Variants in MICAL3 observed in about 807,000 individuals in gnomAD.
MICAL3 encodes [F-actin]-monooxygenase MICAL3.
A neutral mutation model predicts 207.4 loss-of-function variants in MICAL3; 62 were observed. The observed-to-expected ratio is 0.30, with a 90% CI of 0.24 to 0.37. The LOEUF is 0.37. Among genes scored for constraint, MICAL3 ranks in the 10% least tolerant of loss-of-function variants. The probability of loss-of-function intolerance (pLI) is 1.00; values close to 1 mark genes in which losing one functional copy is unlikely to be tolerated. For missense variants in MICAL3, 2,368 were observed against 2,635.6 expected (o/e 0.90, Z 2.22); for synonymous variants, 1,077 against 1,069.3 (o/e 1.01, Z -0.14).
chr22:17,978,024 T>C (rs1283862734), intron 1 of MICAL3, among the ~76,000 whole-genome samples: 1 of 150,056 alleles, frequency 6.7e-6, no homozygotes, highest in African/African-American at 2.5e-5. Flanking sequence ...CTCTGTCTCA[T>C]AAAAAATAAA....
At chr22:17,969,206 A>G (rs1211167121) in intron 1 of MICAL3, among the ~76,000 whole-genome samples, 1 of 152,038 alleles carries the variant, frequency 6.6e-6, no homozygotes, top group East Asian at 1.9e-4. Context: ...CACCCAGCTA[A>G]TTTTCTGTAT....
chr22:17,918,702 C>G (rs1419216614), intron 1 of MICAL3, among the ~76,000 whole-genome samples: 7 of 152,200 alleles, frequency 4.6e-5, no homozygotes, highest in Admixed American at 4.6e-4. Flanking sequence ...GCCTCTCCAT[C>G]CCTGCTGGCC....
Position 17,788,842 on chromosome 22 carries a change from A to C in MICAL3, c.*1890T>G, listed in dbSNP as rs936993395. Reference sequence around the variant, plus strand: ...GAAGCACAGTGTGGTTCCCATGGAAAGCCCAAGGTCAGCACAGCCACTCAG... The same window carrying C: ...GAAGCACAGTGTGGTTCCCATGGAACGCCCAAGGTCAGCACAGCCACTCAG... On this transcript the variant is annotated 3_prime_UTR_variant, in exon 32 of 32. Transcript: ENST00000441493. The C allele has an allele frequency of 6.6e-6, 1 of 152,554 alleles. No individual in the cohort carries two copies. Among genetic ancestry groups the C allele is most frequent in the Non-Finnish European group, 1.5e-5 (1 of 68,162 alleles). The allele number at this position is 152,554 out of a possible 1,614,324, so 9.5% of individuals were successfully genotyped here.
chr22:17,857,754 G>A (rs530995512), intron 19 of MICAL3, among the ~76,000 whole-genome samples: 1 of 152,392 alleles, frequency 6.6e-6, no homozygotes, highest in South Asian at 2.1e-4. Flanking sequence ...TTCCCTGTCT[G>A]TGGAAGGGTG....
At chr22:17,919,076 G>GTTTTTTTTTTTTTTTTTTTTT (rs35096617) in intron 1 of MICAL3, among the ~76,000 whole-genome samples, 8 of 136,502 alleles carry the variant, frequency 5.9e-5, no homozygotes, top group African/African-American at 2.4e-4. Flanking sequence ...GTTTTTGTGG[G>GTTTTTTTTTTTTTTTTTTTTT]TTTTTTTTTT....
chr22:17,804,957 A>T (rs2061975516), intron 29 of MICAL3, among the ~76,000 whole-genome samples: 1 of 152,216 alleles, frequency 6.6e-6, no homozygotes, highest in South Asian at 2.1e-4. Flanking sequence ...CCTAGGATCA[A>T]AGGTGCTGAA....
In MICAL3 at chr22:17,817,580, C is replaced by G; in HGVS notation, c.5081G>C (p.Gly1694Ala). Residue 1694 changes from glycine to alanine, a missense_variant, in exon 26 of 32, where the codon GGG (glycine) becomes GCG (alanine). Transcript: ENST00000441493. ...GAGTGACGACCTCTTCTTGCTCTTC[C>G]CACTGGAGCCCTCGGATGAAGTGAA... Reference protein sequence around the residue: ...GSFTSSEGSSGKSKKRSSLFS... With the variant: ...GSFTSSEGSSAKSKKRSSLFS... 6.2e-7 allele frequency: 1 copy of G among 1,613,378 alleles called. No homozygotes were observed. Among genetic ancestry groups the G allele is most frequent in the Non-Finnish European group, 8.5e-7 (1 of 1,179,828 alleles).
At chr22:17,864,635 C>T (rs749019742) in intron 19 of MICAL3, 307 of 1,578,128 alleles carry the variant, frequency 1.9e-4, no homozygotes, top group Non-Finnish European at 2.5e-4. Context: ...ACGGCTCTGC[C>T]GCCCACCGGA....
At chr22:17,858,241 C>A (rs1257333630) in intron 19 of MICAL3, among the ~76,000 whole-genome samples, 1 of 152,210 alleles carries the variant, frequency 6.6e-6, no homozygotes, top group Non-Finnish European at 1.5e-5. Flanking sequence ...GTGTTGGCAG[C>A]CAACAGGGTG....
chr22:17,933,962 G>A (rs1031814783), intron 1 of MICAL3, among the ~76,000 whole-genome samples: 2 of 152,158 alleles, frequency 1.3e-5, no homozygotes, highest in Admixed American at 1.3e-4. Flanking sequence ...AACAGTCTCT[G>A]AAATTCAGGC....
At chr22:18,020,699 T>G (rs958244039) in intron 1 of MICAL3, among the ~76,000 whole-genome samples, 36 of 150,098 alleles carry the variant, frequency 2.4e-4, no homozygotes, top group Non-Finnish European at 5.0e-4. Context: ...GGCAGATCAC[T>G]TGAGGCAGGA....
rs770838491 is a variant in MICAL3, at chr22:17,793,688, C to G, written c.5651-2387G>C. On this transcript the variant is annotated intron_variant, in intron 29 of 31. Transcript: ENST00000441493. The surrounding 1 kb of genome is among the most constrained non-coding windows in gnomAD (Gnocchi z 4.1). Reference sequence around the variant, plus strand: ...GTGTTTGACTAGTGTTGCTACACCCCCTCCGAGGCAGTGGGGATGGGGTTG... The same window carrying G: ...GTGTTTGACTAGTGTTGCTACACCCGCTCCGAGGCAGTGGGGATGGGGTTG... 2 of 152,434 alleles carry G rather than the reference C, an allele frequency of 1.3e-5. No homozygotes were observed. Among genetic ancestry groups the G allele is most frequent in the Non-Finnish European group, 2.9e-5 (2 of 68,146 alleles). The allele number at this position is 152,434 out of a possible 1,614,324, so 9.4% of individuals were successfully genotyped here.
At chr22:17,851,738 A>G (rs923961196) in intron 19 of MICAL3, among the ~76,000 whole-genome samples, 8 of 152,262 alleles carry the variant, frequency 5.3e-5, no homozygotes, top group African/African-American at 2.4e-5. Flanking sequence ...GAGTTCTCAC[A>G]GCACTCAGGA....
In MICAL3 at chr22:17,787,960, C is replaced by T. The variant is rs1460181428; in HGVS notation, c.*2772G>A. 1 of 152,280 alleles carries T rather than the reference C, an allele frequency of 6.6e-6. No individual in the cohort carries two copies. The highest frequency in any genetic ancestry group is 2.4e-5 in the African/African-American group (1 of 41,476). The allele number at this position is 152,280 out of a possible 1,614,324, so 9.4% of individuals were successfully genotyped here. ...CATGTGGACCTCCACGGTATTCAGC[C>T]TCCAGTTTAGTCAGCCTTGAGTCTG... On this transcript the variant is annotated 3_prime_UTR_variant, in exon 32 of 32. Coordinates refer to ENST00000441493, the MANE Select transcript of MICAL3 (RefSeq NM_015241.3).
At chr22:17,877,919 C>A (rs1009038641) in intron 16 of MICAL3, among the ~76,000 whole-genome samples, 1 of 151,956 alleles carries the variant, frequency 6.6e-6, no homozygotes. Flanking sequence ...GTGGCGCGAT[C>A]TTGGCTCACT....
chr22:18,008,264 G>A lies in MICAL3; in HGVS notation c.-75+16017C>T, dbSNP rs560698170. Among the ~76,000 whole-genome samples the A allele has an allele frequency of 3.9e-5, 6 of 152,132 alleles. No homozygotes were observed. In the East Asian group the frequency reaches 1.2e-3, roughly 29 times the overall value. On this transcript the variant is annotated intron_variant, in intron 1 of 31. Coordinates refer to ENST00000441493, the MANE Select transcript of MICAL3 (RefSeq NM_015241.3). Reference sequence around the variant, plus strand: ...CAGAAAAAAAAAGCATGGTGCAATAGGAGCTCAGTCCATCCCTTCCAAGCA... The same window carrying A: ...CAGAAAAAAAAAGCATGGTGCAATAAGAGCTCAGTCCATCCCTTCCAAGCA...
At chr22:17,948,645 G>C (rs1454888499) in intron 1 of MICAL3, among the ~76,000 whole-genome samples, 1 of 152,172 alleles carries the variant, frequency 6.6e-6, no homozygotes, top group Non-Finnish European at 1.5e-5. Flanking sequence ...TCTCATACCT[G>C]CAGTCCTAGT....
intron 1 of MICAL3, among the ~76,000 whole-genome samples, chr22:17,997,923 G>A (rs1223649126): frequency 2.3e-5 from 3 of 129,890 alleles, no homozygotes; most frequent in Non-Finnish European, 4.8e-5. Flanking sequence ...AAGTCCTTCC[G>A]CTTCCAAAAA....
rs746525841 is a variant in MICAL3 at position 17,818,157 on chromosome 22, C to G, written c.4504G>C (p.Ala1502Pro). 6.2e-7 allele frequency: 1 copy of G among 1,601,756 alleles called. No homozygotes were observed. Among genetic ancestry groups the G allele is most frequent in the South Asian group, 1.1e-5 (1 of 89,350 alleles). The change falls in exon 26 of 32, where the codon GCT becomes CCT. Residue 1502 changes from alanine to proline, a missense_variant. Transcript: ENST00000441493. ...ATWMRPPREP[A>P]QPPREEVRKS... ...CGCACCTCCTCTCTGGGGGGCTGAG[C>G]AGGCTCCCGGGGGGGCCGCATCCAG... is the stretch of plus-strand genomic sequence containing the variant.
Sources: allele counts gnomAD v4.1 joint callset (sites outside exome capture counted in the v4.1 genomes callset), GRCh38; gene constraint gnomAD v4.1.1; non-coding constraint Gnocchi (gnomAD v3.1); transcripts MANE v1.5; gene names NCBI Gene and HGNC (gene_info 2026-07-23, HGNC 2026-07-21).